Variants in NPAS3 observed in about 807,000 individuals in gnomAD.
NPAS3 encodes the protein neuronal PAS domain-containing protein 3.
NPAS3 carries 14 observed loss-of-function variants against 73.1 expected under a neutral mutation model. The ratio of observed to expected loss-of-function variants is 0.19; its 90% confidence interval spans 0.13 to 0.30. The LOEUF is 0.30. NPAS3 is among the 10% of genes least tolerant of loss of function. NPAS3 has a pLI of 1.00. For missense variants in NPAS3, 1,096 were observed against 1,250.0 expected, an observed-to-expected ratio of 0.88 and a Z score of 1.86; for synonymous variants, 620 against 541.5, an observed-to-expected ratio of 1.14 and a Z score of -2.01.
At position 33,198,818 on chromosome 14, in the gene NPAS3, C is replaced by T. The variant is rs376509347; in HGVS notation, c.141-16364C>T. On this transcript the variant is annotated intron_variant, in intron 2 of 11. Transcript: ENST00000356141. ...GTGCCTGTCAGGAAGGCTCGGGCCA[C>T]GCTGGAGCCCACTGTGGGGGAGCTT... 5.0e-4 allele frequency among the ~76,000 whole-genome samples: 76 copies of T among 152,308 alleles called. 2 individuals are homozygous for T. In the South Asian group the frequency reaches 0.011, roughly 22 times the overall value.
chr14:33,194,807 A>G (rs1383178024), intron 2 of NPAS3, among the ~76,000 whole-genome samples: 1 of 152,152 alleles, frequency 6.6e-6, no homozygotes, highest in African/African-American at 2.4e-5. Context: ...TTCAATGGCT[A>G]AAATAGGGGT....
intron 3 of NPAS3, among the ~76,000 whole-genome samples, chr14:33,326,383 T>C (rs1277655686): frequency 1.3e-5 from 2 of 152,082 alleles, no homozygotes; most frequent in Non-Finnish European, 2.9e-5. Context: ...AACAAAAGCA[T>C]CGTATTTGGA....
At chr14:33,803,710 G>GAA (rs11306021), downstream of NPAS3, 1 of 141,708 alleles carries the variant, frequency 7.1e-6, no homozygotes, top group South Asian at 2.2e-4. Context: ...ATTACAAAAT[G>GAA]AAAAAAAAAA....
At chr14:32,985,728 G>T (rs1027452967) in intron 1 of NPAS3, among the ~76,000 whole-genome samples, 2 of 152,066 alleles carry the variant, frequency 1.3e-5, no homozygotes, top group African/African-American at 4.8e-5. Context: ...GGAGTGCAAA[G>T]AGTTGATTTC....
At chr14:33,574,373 C>CA (rs1440168395) in intron 5 of NPAS3, among the ~76,000 whole-genome samples, 2 of 152,090 alleles carry the variant, frequency 1.3e-5, no homozygotes, top group Non-Finnish European at 2.9e-5. Context: ...AGGATGTGGT[C>CA]AAGTGTCCGA....
chr14:33,229,514 A>G lies in NPAS3; in HGVS notation c.385+14088A>G, dbSNP rs564835210. ...CCGCCCGCTCACATGCATCTCACTTAAAGCCTGTATTTGCGAGGGAAGACT... is the reference window on the plus strand; with the variant it reads ...CCGCCCGCTCACATGCATCTCACTTGAAGCCTGTATTTGCGAGGGAAGACT... On this transcript the variant is annotated intron_variant, in intron 3 of 11. Transcript: ENST00000356141. 2.0e-5 allele frequency among the ~76,000 whole-genome samples: 3 copies of G among 152,272 alleles called. No homozygotes were observed. In the South Asian group the frequency reaches 6.2e-4, roughly 32 times the overall value.
At chr14:33,383,753 CT>C (rs2046656299) in intron 4 of NPAS3, among the ~76,000 whole-genome samples, 1 of 152,140 alleles carries the variant, frequency 6.6e-6, no homozygotes, top group Non-Finnish European at 1.5e-5. Flanking sequence ...GATTTTCCAG[CT>C]TCCGGAAGTC....
rs1211969816 is a variant in NPAS3 at position 33,163,625 on chromosome 14, T to TG, written c.141-51557_141-51556insG. On this transcript the variant is annotated intron_variant, in intron 2 of 11. Coordinates refer to ENST00000356141, the Ensembl canonical transcript of NPAS3. Reference sequence around the variant, plus strand: ...TACTTAAGCAGAAGTGTTTTGTTGTTTTTTTTTTTTTTTTTTTTCAAATTT... The same window carrying TG: ...TACTTAAGCAGAAGTGTTTTGTTGTTGTTTTTTTTTTTTTTTTTTCAAATTT... Among the ~76,000 whole-genome samples, 21 of 80,212 alleles carry TG rather than the reference T, an allele frequency of 2.6e-4. No individual in the cohort carries two copies. The Middle Eastern group carries it at 0.027, about 104-fold the overall frequency. The allele number at this position is 80,212 out of a possible 152,430, so 52.6% of individuals were successfully genotyped here.
intron 3 of NPAS3, among the ~76,000 whole-genome samples, chr14:33,321,351 T>TGG (rs1474416934): frequency 6.6e-6 from 1 of 152,058 alleles, no homozygotes; most frequent in African/African-American, 2.4e-5. Flanking sequence ...TGGGAAACAA[T>TGG]GGGAAGTAGG....
chr14:33,298,432 A>G (rs997475366), intron 3 of NPAS3, among the ~76,000 whole-genome samples: 2 of 152,188 alleles, frequency 1.3e-5, no homozygotes, highest in African/African-American at 4.8e-5. Flanking sequence ...GATAAATATT[A>G]AGTTTCAGGG....
chr14:33,543,946 CATATATATATATATATATATATATATAT>C lies in NPAS3; in HGVS notation c.469-16146_469-16119del, dbSNP rs35154724. On this transcript the variant is annotated intron_variant, in intron 4 of 11. Transcript: ENST00000356141. ...CATCTCAGACAGGTATGGCAAAGTG[CATATATATATATATATATATATATATAT>C]ATATATATATATATATATATATATA... Among the ~76,000 whole-genome samples, 514 of 104,990 alleles carry C rather than the reference CATATATATATATATATATATATATATAT, an allele frequency of 4.9e-3. 16 individuals carry two copies. The East Asian group carries it at 0.089, about 18-fold the overall frequency. The allele number at this position is 104,990 out of a possible 152,430, so 68.9% of individuals were successfully genotyped here.
chr14:33,145,389 G>GATATGCTCC (rs1238164007), intron 2 of NPAS3, among the ~76,000 whole-genome samples: 2 of 152,176 alleles, frequency 1.3e-5, no homozygotes, highest in Non-Finnish European at 2.9e-5. Context: ...TATGGATCAT[G>GATATGCTCC]ATATGCTCCT....
chr14:33,043,502 G>A (rs1417173658), intron 1 of NPAS3, among the ~76,000 whole-genome samples: 1 of 152,118 alleles, frequency 6.6e-6, no homozygotes, highest in Non-Finnish European at 1.5e-5. Flanking sequence ...AAGCTGAAAT[G>A]TTTTGGCTTC....
intron 10 of NPAS3, 124 bp downstream of exon 10, chr14:33,794,168 C>A: frequency 2.5e-6 from 2 of 788,080 alleles, no homozygotes; most frequent in Non-Finnish European, 4.0e-6. Flanking sequence ...TGTGGAATTT[C>A]ATGGCAATTC....
At chr14:33,367,381 G>T in intron 4 of NPAS3, 113 bp downstream of exon 4, 9 of 537,570 alleles carry the variant, frequency 1.7e-5, no homozygotes, top group South Asian at 3.1e-5. Context: ...TGACTGTTGT[G>T]ATTTTATCTT....
intron 4 of NPAS3, among the ~76,000 whole-genome samples, chr14:33,413,624 G>C (rs912201397): frequency 1.3e-5 from 2 of 152,168 alleles, no homozygotes; most frequent in Admixed American, 1.3e-4. Flanking sequence ...GTGTGAGCAG[G>C]CAGTGTGGCT....
chr14:33,174,342 A>G (rs1229986429), intron 2 of NPAS3, among the ~76,000 whole-genome samples: 1 of 152,210 alleles, frequency 6.6e-6, no homozygotes, highest in African/African-American at 2.4e-5. Context: ...TACAGGTGGA[A>G]GAGCCTTGGT....
chr14:33,216,176 G>T (rs2047216435), intron 3 of NPAS3, among the ~76,000 whole-genome samples: 1 of 152,042 alleles, frequency 6.6e-6, no homozygotes, highest in African/African-American at 2.4e-5. Flanking sequence ...TTCTATTCAA[G>T]GTGTATGGCC....
intron 4 of NPAS3, among the ~76,000 whole-genome samples, chr14:33,367,899 CA>C (rs2045914689): frequency 6.6e-6 from 1 of 152,118 alleles, no homozygotes; most frequent in South Asian, 2.1e-4. Flanking sequence ...AAATTCATTG[CA>C]AACTCGTCAT....
Sources: allele counts gnomAD v4.1 joint callset (sites outside exome capture counted in the v4.1 genomes callset), GRCh38; gene constraint gnomAD v4.1.1; transcripts MANE v1.5; gene names NCBI Gene and HGNC (gene_info 2026-07-23, HGNC 2026-07-21).